The following TRAPPC9 variants were observed in gnomAD, a reference collection of about 807,000 sequenced individuals.
TRAPPC9 encodes trafficking protein particle complex subunit 9.
A neutral mutation model predicts 124.0 loss-of-function variants in TRAPPC9; 83 were observed. That is an observed-to-expected ratio of 0.67 (90% CI 0.56 to 0.80). The LOEUF (loss-of-function observed/expected upper bound fraction) is 0.80. TRAPPC9 is among the 30% of genes least tolerant of loss of function. The pLI is 0.00. For missense variants in TRAPPC9, 1,302 were observed against 1,508.3 expected (o/e 0.86, Z 2.27); for synonymous variants, 638 against 617.5 (o/e 1.03, Z -0.49).
At chr8:139,854,906 C>G (rs1011750136) in intron 21 of TRAPPC9, among the ~76,000 whole-genome samples, 3 of 152,190 alleles carry the variant, frequency 2.0e-5, no homozygotes, top group Non-Finnish European at 2.9e-5. Flanking sequence ...CTAAAATCAC[C>G]CAACCTGGCT....
At chr8:140,312,932 T>A (rs2066339099) in intron 9 of TRAPPC9, among the ~76,000 whole-genome samples, 1 of 152,032 alleles carries the variant, frequency 6.6e-6, no homozygotes, top group African/African-American at 2.4e-5. Context: ...GCTGATTTTT[T>A]AATTTTGGGT....
At chr8:140,160,624 A>C (rs1282396200) in intron 17 of TRAPPC9, among the ~76,000 whole-genome samples, 1 of 148,312 alleles carries the variant, frequency 6.7e-6, no homozygotes, top group Non-Finnish European at 1.5e-5. Context: ...GAAGGGGAAC[A>C]TCACACACCA....
At chr8:139,808,015 C>T (rs1422613883) in intron 21 of TRAPPC9, among the ~76,000 whole-genome samples, 1 of 152,032 alleles carries the variant, frequency 6.6e-6, no homozygotes, top group African/African-American at 2.4e-5. Context: ...ATCTTGTTGA[C>T]CTAAGAGGAG....
chr8:140,230,132 C>G (rs1355570975), intron 16 of TRAPPC9, among the ~76,000 whole-genome samples: 1 of 152,214 alleles, frequency 6.6e-6, no homozygotes, highest in African/African-American at 2.4e-5. Flanking sequence ...ACATAACATG[C>G]TCCAAGAGCC....
intron 17 of TRAPPC9, among the ~76,000 whole-genome samples, chr8:140,107,746 G>A (rs754009701): frequency 2.0e-5 from 3 of 152,236 alleles, no homozygotes; most frequent in Non-Finnish European, 4.4e-5. Flanking sequence ...GAAGAGCTGA[G>A]GCAAGACTGG....
intron 21 of TRAPPC9, among the ~76,000 whole-genome samples, chr8:139,828,995 A>G (rs377274110): frequency 1.3e-5 from 2 of 152,310 alleles, no homozygotes; most frequent in African/African-American, 2.4e-5. Flanking sequence ...TTCCTTCCAT[A>G]TATGTTCTCT....
chr8:140,450,762 A>G, intron 2 of TRAPPC9, 28 bp downstream of exon 2: 1 of 1,566,296 alleles, frequency 6.4e-7, no homozygotes, highest in Non-Finnish European at 8.7e-7. Context: ...AGGGAAGCCA[A>G]GGGGCCTGGG....
At chr8:140,224,996 T>G (rs2063414816) in intron 16 of TRAPPC9, among the ~76,000 whole-genome samples, 1 of 152,204 alleles carries the variant, frequency 6.6e-6, no homozygotes, top group South Asian at 2.1e-4. Context: ...CTACAAGCTT[T>G]AAATCCATCA....
At chr8:139,762,172 G>T (rs1820280137) in intron 21 of TRAPPC9, among the ~76,000 whole-genome samples, 1 of 151,814 alleles carries the variant, frequency 6.6e-6, no homozygotes, top group Non-Finnish European at 1.5e-5. Context: ...TCAGCAGCCT[G>T]CATTTGGGCT....
At chr8:140,046,728 T>C (rs1841621924) in intron 17 of TRAPPC9, among the ~76,000 whole-genome samples, 1 of 152,208 alleles carries the variant, frequency 6.6e-6, no homozygotes. Context: ...CAATGCCCCA[T>C]ACCCCTTTTC....
At chr8:140,409,839 G>A (rs1454992002) in intron 5 of TRAPPC9, among the ~76,000 whole-genome samples, 1 of 152,124 alleles carries the variant, frequency 6.6e-6, no homozygotes, top group Non-Finnish European at 1.5e-5. Context: ...AAATGAGGTG[G>A]AAAGAATAGG....
chr8:140,351,789 T>C (rs943407499), intron 9 of TRAPPC9, among the ~76,000 whole-genome samples: 5 of 152,110 alleles, frequency 3.3e-5, no homozygotes, highest in African/African-American at 1.2e-4. Context: ...ACGCTTACAG[T>C]GGGCTGGCAT....
intron 18 of TRAPPC9, among the ~76,000 whole-genome samples, chr8:140,010,101 T>G (rs1839025210): frequency 6.6e-6 from 1 of 152,248 alleles, no homozygotes; most frequent in African/African-American, 2.4e-5. Flanking sequence ...TTTCATTATT[T>G]ATTTATACCA....
chr8:139,963,472 G>A (rs1412436555), intron 19 of TRAPPC9, among the ~76,000 whole-genome samples: 1 of 152,032 alleles, frequency 6.6e-6, no homozygotes, highest in Non-Finnish European at 1.5e-5. Context: ...CCCTGGGTGA[G>A]CGTGGCTTCC....
chr8:140,026,874 T>A lies in TRAPPC9; in HGVS notation c.2557-2795A>T, dbSNP rs148443917. On this transcript the variant is annotated intron_variant, in intron 17 of 22. Coordinates refer to ENST00000438773, the MANE Select transcript of TRAPPC9 (RefSeq NM_001160372.4). ...TACAAATGGCTCAATAAAATACAGA[T>A]TTTTTTTTAATATTCAAGGATCATA... Among the ~76,000 whole-genome samples the A allele has an allele frequency of 7.0e-3, 1,059 of 151,704 alleles. 13 individuals carry two copies. The highest frequency in any genetic ancestry group is 0.025 in the African/African-American group (1,018 of 41,378).
intron 21 of TRAPPC9, among the ~76,000 whole-genome samples, chr8:139,806,652 T>C (rs532542698): frequency 6.8e-6 from 1 of 147,822 alleles, no homozygotes; most frequent in South Asian, 2.1e-4. Flanking sequence ...GAGTGGCTCC[T>C]TGAACTGCCT....
At chr8:139,840,367 A>G (rs1826645253) in intron 21 of TRAPPC9, among the ~76,000 whole-genome samples, 1 of 152,224 alleles carries the variant, frequency 6.6e-6, no homozygotes, top group Non-Finnish European at 1.5e-5. Flanking sequence ...CTAATCTCCT[A>G]TGGATCAGGA....
In TRAPPC9 at chr8:139,796,539, G is replaced by C. The variant is rs554306073; in HGVS notation, c.3056-64337C>G. ...TTCTGTGCCTGGCGTTTTTCACTTA[G>C]CATAATGTTTTCATGGTTCATCCAT... On this transcript the variant is annotated intron_variant, in intron 21 of 22. Transcript: ENST00000438773. 4.6e-5 allele frequency among the ~76,000 whole-genome samples: 7 copies of C among 152,318 alleles called. No homozygotes were observed. The South Asian group carries it at 1.5e-3, about 32-fold the overall frequency.
At position 139,947,412 on chromosome 8, in the gene TRAPPC9, T is replaced by C. The variant is rs186557816; in HGVS notation, c.2811-37112A>G. Among the ~76,000 whole-genome samples, 19 of 152,324 alleles carry C rather than the reference T, an allele frequency of 1.2e-4. No homozygotes were observed. The East Asian group carries it at 2.9e-3, about 23-fold the overall frequency. On this transcript the variant is annotated intron_variant, in intron 19 of 22. Transcript: ENST00000438773. ...CCGCCGGGAGCAAAGGACAGAAGAA[T>C]GACAAACTAACCAGGACAAAGTATG...
Sources: gnomAD v4.1 joint callset for allele counts (sites outside exome capture counted in the v4.1 genomes callset) on GRCh38, gnomAD v4.1.1 for gene constraint, MANE v1.5 for transcripts, NCBI Gene and HGNC (gene_info 2026-07-23, HGNC 2026-07-21) for gene names.